The following PHLPP2 variants were observed in gnomAD, a reference collection of about 807,000 sequenced individuals.
The protein encoded by PHLPP2 is PH domain leucine-rich repeat-containing protein phosphatase 2.
In PHLPP2, 66 loss-of-function variants were observed where a neutral mutation model predicts 124.9. That is an observed-to-expected ratio of 0.53 (90% CI 0.43 to 0.65). The LOEUF is 0.65. PHLPP2 is among the 30% of genes least tolerant of loss of function. The pLI, the probability that PHLPP2 is intolerant of heterozygous loss-of-function variation, is 0.00. For synonymous variants in PHLPP2, 681 were observed against 624.7 expected (o/e 1.09, Z -1.34); for missense variants, 1,685 against 1,600.4 (o/e 1.05, Z -0.90).
chr16:71,680,162 G>T (rs1283693819), intron 6 of PHLPP2, among the ~76,000 whole-genome samples: 2 of 151,800 alleles, frequency 1.3e-5, no homozygotes, highest in Non-Finnish European at 2.9e-5. Context: ...CTTCATACTT[G>T]ATATGCTTGA....
Position 71,668,591 on chromosome 16 carries a change from G to A in PHLPP2, c.1628+684C>T, listed in dbSNP as rs537048040. ...AGTGTGGCCAATATAGCAAAGCCCC[G>A]TCTCTACTAAAAATACAAAAATTAG... On this transcript the variant is annotated intron_variant, in intron 11 of 18. Coordinates refer to ENST00000568954, the MANE Select transcript of PHLPP2 (RefSeq NM_015020.3). Among the ~76,000 whole-genome samples the A allele has an allele frequency of 8.8e-4, 133 of 151,932 alleles. No individual in the cohort carries two copies. The South Asian group carries it at 9.2e-3, about 10-fold the overall frequency.
intron 3 of PHLPP2, among the ~76,000 whole-genome samples, chr16:71,699,200 G>C (rs966485656): frequency 1.3e-5 from 2 of 152,158 alleles, no homozygotes; most frequent in Admixed American, 1.3e-4. Flanking sequence ...GGCAGACAGG[G>C]ACAGGTGCCC....
intron 1 of PHLPP2, chr16:71,723,723 G>C: frequency 1.1e-6 from 1 of 942,764 alleles, no homozygotes; most frequent in Non-Finnish European, 1.5e-6. Flanking sequence ...TAGTCCGCTT[G>C]CCCGCTCGCC....
Position 71,655,443 on chromosome 16 carries a change from G to A in PHLPP2, c.2391-9C>T. ...GTGCTGAGACACACAGCCTATAATA[G>A]AAACATGAAAACAGAAAACAGAAAA... is the stretch of plus-strand genomic sequence containing the variant. On this transcript the variant is annotated splice_polypyrimidine_tract_variant and intron_variant, in intron 16 of 18. Transcript: ENST00000568954. 6.3e-7 allele frequency: 1 copy of A among 1,585,996 alleles called. No homozygotes were observed. The highest frequency in any genetic ancestry group is 1.4e-5 in the African/African-American group (1 of 73,842).
In PHLPP2 at chr16:71,678,815, A is replaced by C; in HGVS notation, c.1208T>G (p.Leu403Arg). Residue 403 changes from leucine (L) to arginine (R), a missense_variant, in exon 8 of 19, where the codon CTG becomes CGG. By Grantham distance (102) the Leu-to-Arg change is moderately radical (BLOSUM62 -2). Transcript: ENST00000568954. ...CAGCACCCCTAAGTTCAGGACTTCC[A>C]GGCAATTTCCTGCCATAACCACTCT... ...LDRVVMAGNC[L>R]EVLNLGVLNR... 6.2e-7 allele frequency: 1 copy of C among 1,612,686 alleles called. No individual in the cohort carries two copies. The highest frequency in any genetic ancestry group is 8.5e-7 in the Non-Finnish European group (1 of 1,178,646).
At chr16:71,710,435 A>T (rs2045316265) in intron 2 of PHLPP2, among the ~76,000 whole-genome samples, 1 of 152,226 alleles carries the variant, frequency 6.6e-6, no homozygotes, top group Non-Finnish European at 1.5e-5. Context: ...GGGTAATTTT[A>T]ATCCCAGTAA....
Position 71,702,738 on chromosome 16 carries a change from AC to A in PHLPP2, c.285-8del. On this transcript the variant is annotated splice_region_variant and splice_polypyrimidine_tract_variant and intron_variant, in intron 2 of 18. Transcript: ENST00000568954. ...TTCAGTAGGTTCCAGTCTCCTGATT[AC>A]ACAATTCAAAAAAATATATATATTT... is the stretch of plus-strand genomic sequence containing the variant. The A allele has an allele frequency of 6.4e-7, 1 of 1,564,492 alleles. No individual in the cohort carries two copies. The highest frequency in any genetic ancestry group is 8.7e-7 in the Non-Finnish European group (1 of 1,150,866).
At chr16:71,666,617 G>T (rs2044842492) in intron 12 of PHLPP2, among the ~76,000 whole-genome samples, 1 of 152,204 alleles carries the variant, frequency 6.6e-6, no homozygotes, top group African/African-American at 2.4e-5. Flanking sequence ...CCTGATTACA[G>T]GCCTAAAATA....
At chr16:71,714,076 A>T (rs968687534) in intron 2 of PHLPP2, among the ~76,000 whole-genome samples, 2 of 151,264 alleles carry the variant, frequency 1.3e-5, no homozygotes, top group African/African-American at 4.9e-5. Flanking sequence ...ACTAGCTGGG[A>T]TTACAGGTGC....
chr16:71,653,812 T>C (rs780818075), intron 17 of PHLPP2, among the ~76,000 whole-genome samples: 16 of 152,188 alleles, frequency 1.1e-4, no homozygotes, highest in Non-Finnish European at 1.9e-4. Flanking sequence ...AAAAACTGAC[T>C]TCTTCCTAAC....
At position 71,658,687 on chromosome 16, in the gene PHLPP2, ATGC is replaced by A; in HGVS notation, c.2111_2113del (p.Ser704del). 1 of 1,614,148 alleles carries A rather than the reference ATGC, an allele frequency of 6.2e-7. No homozygotes were observed. The highest frequency in any genetic ancestry group is 8.5e-7 in the Non-Finnish European group (1 of 1,180,018). On this transcript the variant is annotated inframe_deletion, in exon 14 of 19. Transcript: ENST00000568954. ...AGGCAACTGCAGTATTTCTGGGAAAATGCTGATGTTGTTGGAGTGTGCAACAAG... is the reference window on the plus strand; with the variant it reads ...AGGCAACTGCAGTATTTCTGGGAAAATGATGTTGTTGGAGTGTGCAACAAG...
intron 10 of PHLPP2, among the ~76,000 whole-genome samples, 155 bp from the exon 11 acceptor site, chr16:71,669,525 G>A (rs2044872006): frequency 6.6e-6 from 1 of 152,204 alleles, no homozygotes; most frequent in South Asian, 2.1e-4. Flanking sequence ...GAATATAGTA[G>A]GTGCTCATTG....
chr16:71,662,418 A>G (rs2044800193), intron 13 of PHLPP2, among the ~76,000 whole-genome samples: 1 of 151,812 alleles, frequency 6.6e-6, no homozygotes, highest in African/African-American at 2.4e-5. Context: ...CAACAGAGCA[A>G]GACTCCATCT....
chr16:71,655,262 T>A lies in PHLPP2; in HGVS notation c.2563A>T (p.Asn855Tyr). Reference sequence around the variant, plus strand: ...TACCTGTGAGATACCAAGAAGGTGTTAGCCATGAAAACTGTGTCATTAGTT... The same window carrying A: ...TACCTGTGAGATACCAAGAAGGTGTAAGCCATGAAAACTGTGTCATTAGTT... ...QSTNDTVFMA[N>Y]TFLVSHRKLG... Residue 855 changes from asparagine (N) to tyrosine (Y), a missense_variant, in exon 17 of 19, where the codon AAC (asparagine) becomes TAC (tyrosine). Asn to Tyr is a moderately radical substitution (Grantham distance 143, BLOSUM62 -2). Transcript: ENST00000568954. 1 of 1,613,234 alleles carries A rather than the reference T, an allele frequency of 6.2e-7. No homozygotes were observed.
At chr16:71,722,181 C>A (rs1466628232) in intron 1 of PHLPP2, among the ~76,000 whole-genome samples, 1 of 152,060 alleles carries the variant, frequency 6.6e-6, no homozygotes. Context: ...CTTGTAATTC[C>A]AACACTTCGG....
intron 2 of PHLPP2, among the ~76,000 whole-genome samples, chr16:71,706,135 C>G (rs1475650772): frequency 6.6e-6 from 1 of 152,232 alleles, no homozygotes; most frequent in East Asian, 1.9e-4. Flanking sequence ...AGCATTTGAA[C>G]TATTTCTACT....
At chr16:71,691,714 G>A (rs2045115445) in intron 3 of PHLPP2, among the ~76,000 whole-genome samples, 1 of 151,986 alleles carries the variant, frequency 6.6e-6, no homozygotes, top group South Asian at 2.1e-4. Flanking sequence ...TCCGATCACG[G>A]TGGTGGAAAT....
intron 3 of PHLPP2, chr16:71,698,712 T>A (rs557449765): frequency 2.5e-6 from 1 of 403,930 alleles, no homozygotes; most frequent in Admixed American, 3.4e-5. Context: ...AGGATTTACA[T>A]GCTCTCTTAA....
In PHLPP2 at chr16:71,679,341, G is replaced by A. The variant is rs552576561; in HGVS notation, c.1037+48C>T. On this transcript the variant is annotated intron_variant, in intron 7 of 18. Coordinates refer to ENST00000568954, the MANE Select transcript of PHLPP2 (RefSeq NM_015020.3). ...TACCTTCATTCCAAACCCCAGGCAA[G>A]TTCCTTATTCTGCAAGGGAAAAGAG... is the stretch of plus-strand genomic sequence containing the variant. 352 of 1,547,418 alleles carry A rather than the reference G, an allele frequency of 2.3e-4. 5 individuals are homozygous for A. In the South Asian group the frequency reaches 3.8e-3, roughly 17 times the overall value.
Sources: gnomAD v4.1 joint callset for allele counts (sites outside exome capture counted in the v4.1 genomes callset) on GRCh38, gnomAD v4.1.1 for gene constraint, MANE v1.5 for transcripts, NCBI Gene and HGNC (gene_info 2026-07-23, HGNC 2026-07-21) for gene names.